Variants in GPC6 observed in about 807,000 individuals in gnomAD.
GPC6 encodes glypican-6.
GPC6 carries 14 observed loss-of-function variants against 55.2 expected under a neutral mutation model. That is an observed-to-expected ratio of 0.25 (90% CI 0.17 to 0.40). The LOEUF (loss-of-function observed/expected upper bound fraction) is 0.40. Ranked by LOEUF, GPC6 falls within the 10% of genes least tolerant of loss-of-function variation. The probability of loss-of-function intolerance (pLI) is 1.00; values close to 1 mark genes in which losing one functional copy is unlikely to be tolerated. For synonymous variants in GPC6, 278 were observed against 259.6 expected (o/e 1.07, Z -0.68); for missense variants, 641 against 708.5 (o/e 0.90, Z 1.08).
chr13:94,060,536 C>G (rs1488689236), intron 4 of GPC6, among the ~76,000 whole-genome samples: 6 of 152,154 alleles, frequency 3.9e-5, no homozygotes, highest in Non-Finnish European at 5.9e-5. Flanking sequence ...TTGCAGTGGG[C>G]TCTAAGAAAC....
At chr13:93,258,193 C>T (rs1877019201) in intron 1 of GPC6, among the ~76,000 whole-genome samples, 1 of 152,184 alleles carries the variant, frequency 6.6e-6, no homozygotes, top group South Asian at 2.1e-4. Context: ...TCCCCAGCTC[C>T]TTTGCATCCA....
intron 4 of GPC6, among the ~76,000 whole-genome samples, chr13:94,225,568 T>TC (rs1349507209): frequency 6.6e-6 from 1 of 152,036 alleles, no homozygotes; most frequent in Admixed American, 6.6e-5. Context: ...AATATGTATT[T>TC]CCATGAACAT....
intron 7 of GPC6, among the ~76,000 whole-genome samples, chr13:94,396,056 G>A (rs376547636): frequency 1.3e-5 from 2 of 152,198 alleles, no homozygotes; most frequent in East Asian, 1.9e-4. Context: ...CAGTTACTGT[G>A]TCTTTGGGTG....
intron 1 of GPC6, among the ~76,000 whole-genome samples, chr13:93,274,877 T>G (rs1877673587): frequency 1.3e-5 from 2 of 152,236 alleles, no homozygotes; most frequent in Admixed American, 6.5e-5. Context: ...TCAAAGTGCT[T>G]TAACATAGTA....
intron 2 of GPC6, among the ~76,000 whole-genome samples, chr13:93,609,845 T>C (rs1878392530): frequency 6.6e-6 from 1 of 152,190 alleles, no homozygotes; most frequent in South Asian, 2.1e-4. Context: ...CTCAAGCTGG[T>C]TGTGGCAGTT....
At chr13:93,718,740 T>A (rs1883340478) in intron 2 of GPC6, among the ~76,000 whole-genome samples, 1 of 152,162 alleles carries the variant, frequency 6.6e-6, no homozygotes, top group Admixed American at 6.6e-5. Context: ...TGGTTTTAGG[T>A]CTTACATTTA....
chr13:93,534,578 A>G (rs1881984325), intron 1 of GPC6, among the ~76,000 whole-genome samples: 3 of 152,092 alleles, frequency 2.0e-5, no homozygotes, highest in African/African-American at 4.8e-5. Flanking sequence ...TTTCAGGCTC[A>G]AGGTCATCCC....
intron 3 of GPC6, among the ~76,000 whole-genome samples, chr13:93,970,949 A>G (rs1331188550): frequency 6.6e-6 from 1 of 152,218 alleles, no homozygotes; most frequent in Non-Finnish European, 1.5e-5. Context: ...TTGCATTTTG[A>G]TAGTTATCTA....
intron 4 of GPC6, among the ~76,000 whole-genome samples, chr13:94,139,587 A>G (rs963647310): frequency 3.3e-5 from 5 of 152,180 alleles, no homozygotes; most frequent in African/African-American, 1.2e-4. Flanking sequence ...AATGGATCCT[A>G]TCAAGGTGAT....
intron 4 of GPC6, among the ~76,000 whole-genome samples, chr13:94,197,679 A>C (rs1889621390): frequency 6.6e-6 from 1 of 152,220 alleles, no homozygotes; most frequent in African/African-American, 2.4e-5. Context: ...TTAGAGCTTC[A>C]ACATGTGCCT....
intron 2 of GPC6, among the ~76,000 whole-genome samples, chr13:93,715,987 A>G (rs997026636): frequency 1.3e-5 from 2 of 151,576 alleles, no homozygotes; most frequent in Non-Finnish European, 3.0e-5. Context: ...TGCATCTACA[A>G]TGGTGGTACC....
intron 4 of GPC6, among the ~76,000 whole-genome samples, chr13:94,063,024 C>T (rs967078536): frequency 1.3e-5 from 2 of 152,144 alleles, no homozygotes; most frequent in Admixed American, 6.5e-5. Context: ...TTCTCCTGGG[C>T]GTTGGGTCAC....
chr13:93,649,441 C>T (rs1044826569), intron 2 of GPC6, among the ~76,000 whole-genome samples: 2 of 152,128 alleles, frequency 1.3e-5, no homozygotes, highest in African/African-American at 4.8e-5. Flanking sequence ...CAGAGTGAGA[C>T]CCGATCTCAG....
At chr13:94,148,938 CTT>C (rs1887647307) in intron 4 of GPC6, among the ~76,000 whole-genome samples, 1 of 148,816 alleles carries the variant, frequency 6.7e-6, no homozygotes, top group East Asian at 1.9e-4. Context: ...GTGAGTGAAA[CTT>C]AGCATGATGC....
chr13:94,017,060 C>A (rs907291016), intron 3 of GPC6, among the ~76,000 whole-genome samples: 1 of 152,156 alleles, frequency 6.6e-6, no homozygotes, highest in African/African-American at 2.4e-5. Flanking sequence ...GTCTTGAACT[C>A]CTGAACTCGT....
intron 2 of GPC6, among the ~76,000 whole-genome samples, chr13:93,623,163 A>G (rs773392652): frequency 2.0e-5 from 3 of 152,096 alleles, no homozygotes; most frequent in Non-Finnish European, 2.9e-5. Flanking sequence ...TCATCCATTG[A>G]TGGATACTTC....
intron 4 of GPC6, among the ~76,000 whole-genome samples, chr13:94,203,481 AT>A (rs970454963): frequency 3.7e-4 from 57 of 152,334 alleles, no homozygotes; most frequent in African/African-American, 1.3e-3. Context: ...TTTGTAAAAA[AT>A]AAATGATGTG....
At chr13:93,875,899 CT>C (rs1889277180) in intron 3 of GPC6, among the ~76,000 whole-genome samples, 1 of 151,964 alleles carries the variant, frequency 6.6e-6, no homozygotes, top group African/African-American at 2.4e-5. Flanking sequence ...GTGAGGAAGG[CT>C]GGTGTCAAAA....
In GPC6 at chr13:94,403,119, C is replaced by T. The variant is rs147610049; in HGVS notation, c.1570C>T (p.Arg524Trp). The change falls in exon 9 of 9, where the codon CGG becomes TGG. Residue 524 changes from arginine to tryptophan, a missense_variant. Arg to Trp is a moderately radical substitution (Grantham distance 101). Transcript: ENST00000377047. The part of the protein sequence containing the change: ...TTEAPAVDPD[R>W]REVDSSAAQR... ...AGAGGCCCCCGCAGTGGATCCCGAC[C>T]GGAGAGAGGTGGACTCTTCTGCAGC... The T allele has an allele frequency of 7.7e-4, 1,237 of 1,613,594 alleles. 3 individuals carry two copies. Among genetic ancestry groups the T allele is most frequent in the Non-Finnish European group, 1.0e-3 (1,192 of 1,179,602 alleles).
Sources: allele counts gnomAD v4.1 joint callset (sites outside exome capture counted in the v4.1 genomes callset), GRCh38; gene constraint gnomAD v4.1.1; transcripts MANE v1.5; gene names NCBI Gene and HGNC (gene_info 2026-07-23, HGNC 2026-07-21).